ODAD2: variants seen among roughly 807,000 people sequenced by gnomAD.
ODAD2 encodes the protein outer dynein arm docking complex subunit 2, also known as outer dynein arm-docking complex subunit 2.
A neutral mutation model predicts 106.8 loss-of-function variants in ODAD2; 89 were observed. The ratio of observed to expected loss-of-function variants is 0.83; its 90% CI spans 0.70 to 0.99. The LOEUF (loss-of-function observed/expected upper bound fraction) is 0.99. ODAD2 is among the 50% of genes least tolerant of loss of function. The probability of loss-of-function intolerance (pLI) is 0.00; values close to 1 mark genes in which losing one functional copy is unlikely to be tolerated. For missense variants in ODAD2, 1,168 were observed against 1,238.5 expected (o/e 0.94, Z 0.85); for synonymous variants, 404 against 436.2 (o/e 0.93, Z 0.92).
At chr10:27,914,897 C>A (rs1267090752) in intron 16 of ODAD2, among the ~76,000 whole-genome samples, 1 of 151,824 alleles carries the variant, frequency 6.6e-6, no homozygotes, top group Non-Finnish European at 1.5e-5. Context: ...AGAGAAAAGC[C>A]TGACCTTTTC....
intron 16 of ODAD2, among the ~76,000 whole-genome samples, chr10:27,910,612 C>A (rs1420978255): frequency 6.6e-6 from 1 of 151,928 alleles, no homozygotes; most frequent in Non-Finnish European, 1.5e-5. Flanking sequence ...AAAAAATTAG[C>A]CAGGCATGGT....
chr10:27,919,491 G>A (rs1844625411), intron 16 of ODAD2, among the ~76,000 whole-genome samples: 1 of 151,990 alleles, frequency 6.6e-6, no homozygotes, highest in African/African-American at 2.4e-5. Context: ...AATTAAAAAT[G>A]GGCAAAAGAC....
intron 3 of ODAD2, among the ~76,000 whole-genome samples, chr10:27,986,180 C>G (rs1849864300): frequency 6.6e-6 from 1 of 152,140 alleles, no homozygotes; most frequent in Non-Finnish European, 1.5e-5. Context: ...ACAAAGGAAT[C>G]AACCATTTAT....
rs374106100 is a variant in ODAD2 at position 27,838,480 on chromosome 10, C to T, written c.3021+22145G>A. 1.2e-4 allele frequency among the ~76,000 whole-genome samples: 18 copies of T among 152,262 alleles called. No individual in the cohort carries two copies. In the South Asian group the frequency reaches 3.5e-3, roughly 30 times the overall value. ...TTTCCAATGGAAAGAATATATTTCT[C>T]ACAAGTTTAAAGACTGACTGCACTC... On this transcript the variant is annotated intron_variant, in intron 19 of 19. Coordinates refer to ENST00000305242, the MANE Select transcript of ODAD2 (RefSeq NM_018076.5).
rs558048550 is a variant in ODAD2, at chr10:27,892,184, C to T, written c.2610+15479G>A. Among the ~76,000 whole-genome samples the T allele has an allele frequency of 7.2e-5, 11 of 152,150 alleles. No homozygotes were observed. The South Asian group carries it at 1.2e-3, about 17-fold the overall frequency. On this transcript the variant is annotated intron_variant, in intron 17 of 19. Coordinates refer to ENST00000305242, the MANE Select transcript of ODAD2 (RefSeq NM_018076.5). Reference sequence around the variant, plus strand: ...TTACACATAACATCACTACAGAGGTCGAATCTTAGGATCTCTGTCCTTTTT... The same window carrying T: ...TTACACATAACATCACTACAGAGGTTGAATCTTAGGATCTCTGTCCTTTTT...
intron 17 of ODAD2, among the ~76,000 whole-genome samples, chr10:27,888,495 T>C (rs149244451): frequency 1.7e-4 from 26 of 152,288 alleles, no homozygotes; most frequent in African/African-American, 6.0e-4. Flanking sequence ...TTCATGTTCT[T>C]TGCCCTCTTT....
chr10:27,910,258 A>G (rs1843904402), intron 16 of ODAD2, among the ~76,000 whole-genome samples: 1 of 152,168 alleles, frequency 6.6e-6, no homozygotes, highest in African/African-American at 2.4e-5. Flanking sequence ...GACACTAGCT[A>G]GCACATTTGA....
At chr10:27,979,231 C>CAAA (rs1313032503) in intron 7 of ODAD2, among the ~76,000 whole-genome samples, 2 of 41,884 alleles carry the variant, frequency 4.8e-5, no homozygotes, top group African/African-American at 1.7e-4. Context: ...GACTCCATCT[C>CAAA]AAAAAAAAAA....
At chr10:27,985,667 T>A (rs746445850) in intron 3 of ODAD2, among the ~76,000 whole-genome samples, 1 of 152,168 alleles carries the variant, frequency 6.6e-6, no homozygotes, top group African/African-American at 2.4e-5. Context: ...CAAAATAGCA[T>A]GCTTTCCTAA....
intron 16 of ODAD2, among the ~76,000 whole-genome samples, chr10:27,917,280 TG>T (rs1434413012): frequency 1.3e-5 from 2 of 152,154 alleles, no homozygotes; most frequent in African/African-American, 4.8e-5. Flanking sequence ...AAATAATCCC[TG>T]GGTCCAAGGT....
intron 16 of ODAD2, among the ~76,000 whole-genome samples, chr10:27,926,127 AC>A (rs1238545512): frequency 6.6e-6 from 1 of 152,106 alleles, no homozygotes; most frequent in African/African-American, 2.4e-5. Flanking sequence ...ATTCTCTGCC[AC>A]AGCTGCTCAA....
chr10:27,864,663 G>A (rs943024820), intron 17 of ODAD2, among the ~76,000 whole-genome samples: 1 of 151,576 alleles, frequency 6.6e-6, no homozygotes, highest in African/African-American at 2.4e-5. Flanking sequence ...GGCTCTTTCT[G>A]GTGTCCCAGG....
Position 27,841,681 on chromosome 10 carries a change from C to T in ODAD2, c.3021+18944G>A, listed in dbSNP as rs541431383. On this transcript the variant is annotated intron_variant, in intron 19 of 19. Transcript: ENST00000305242. ...AAACTGCTGGGATTACAGGTATGAG[C>T]CACCACCCCGGCAGATCTGCTTCCA... Among the ~76,000 whole-genome samples, 25 of 152,280 alleles carry T rather than the reference C, an allele frequency of 1.6e-4. 1 individual carries two copies. In the South Asian group the frequency reaches 4.6e-3, roughly 28 times the overall value.
chr10:27,887,358 T>C (rs1842292891), intron 17 of ODAD2, among the ~76,000 whole-genome samples: 1 of 151,914 alleles, frequency 6.6e-6, no homozygotes, highest in African/African-American at 2.4e-5. Context: ...GAAGCAAACA[T>C]TGACAGAGTT....
Position 27,985,042 on chromosome 10 carries a change from A to T in ODAD2, c.552T>A (p.Asn184Lys). 6.2e-7 allele frequency: 1 copy of T among 1,608,716 alleles called. No individual in the cohort carries two copies. Among genetic ancestry groups the T allele is most frequent in the African/African-American group, 1.3e-5 (1 of 74,876 alleles). Reference sequence around the variant, plus strand: ...ACAATGAAATATGTTTTAGAGAATGATTGAGGAGGTGCAGATCCAATTGCT... The same window carrying T: ...ACAATGAAATATGTTTTAGAGAATGTTTGAGGAGGTGCAGATCCAATTGCT... Reference protein sequence around the residue: ...LLKQLDLHLLNHSLKHISLEI... With the variant: ...LLKQLDLHLLKHSLKHISLEI... The change falls in exon 4 of 20, where the codon AAT becomes AAA. Residue 184 changes from asparagine to lysine, a missense_variant. Transcript: ENST00000305242.
At chr10:27,882,712 C>T (rs1057411233) in intron 17 of ODAD2, among the ~76,000 whole-genome samples, 6 of 152,062 alleles carry the variant, frequency 3.9e-5, no homozygotes, top group African/African-American at 7.2e-5. Flanking sequence ...ACCTTGCAAC[C>T]GCGGAATCTG....
At chr10:27,921,299 GAAA>G (rs769284744) in intron 16 of ODAD2, among the ~76,000 whole-genome samples, 1 of 112,668 alleles carries the variant, frequency 8.9e-6, no homozygotes, top group Non-Finnish European at 1.9e-5. Context: ...CACCTCCAAC[GAAA>G]AAAAAAAAGA....
intron 19 of ODAD2, among the ~76,000 whole-genome samples, chr10:27,856,426 G>A (rs1839657535): frequency 6.6e-6 from 1 of 152,034 alleles, no homozygotes; most frequent in Non-Finnish European, 1.5e-5. Flanking sequence ...AGAACTCCTG[G>A]TTAACCTCTT....
At position 27,975,761 on chromosome 10, in the gene ODAD2, T is replaced by C. The variant is rs1351991350; in HGVS notation, c.937-4448A>G. Among the ~76,000 whole-genome samples, 5 of 152,172 alleles carry C rather than the reference T, an allele frequency of 3.3e-5. No individual in the cohort carries two copies. In the East Asian group the frequency reaches 9.6e-4, roughly 29 times the overall value. On this transcript the variant is annotated intron_variant, in intron 7 of 19. Coordinates refer to ENST00000305242, the MANE Select transcript of ODAD2 (RefSeq NM_018076.5). ...ACAATATTAATTCTATACAAACTCTTCCAAAAAATTGAAGAGAAGATGAAA... is the reference window on the plus strand; with the variant it reads ...ACAATATTAATTCTATACAAACTCTCCCAAAAAATTGAAGAGAAGATGAAA...
Sources: gnomAD v4.1 joint callset for allele counts (sites outside exome capture counted in the v4.1 genomes callset) on GRCh38, gnomAD v4.1.1 for gene constraint, MANE v1.5 for transcripts, NCBI Gene and HGNC (gene_info 2026-07-23, HGNC 2026-07-21) for gene names.